The following GPC6 variants were observed in gnomAD, a reference collection of about 807,000 sequenced individuals.
GPC6 encodes the protein glypican-6.
Under a neutral mutation model 55.2 loss-of-function variants are expected in GPC6, and 14 were observed. That is an observed-to-expected ratio of 0.25 (90% CI 0.17 to 0.40). The LOEUF is 0.40. Ranked by LOEUF, GPC6 falls within the 10% of genes least tolerant of loss-of-function variation. The pLI is 1.00. For missense variants in GPC6, 641 were observed against 708.5 expected, an observed-to-expected ratio of 0.90 and a Z score of 1.08; for synonymous variants, 278 against 259.6, an observed-to-expected ratio of 1.07 and a Z score of -0.68.
intron 3 of GPC6, among the ~76,000 whole-genome samples, chr13:93,928,854 G>GTT (rs1566607891): frequency 1.5e-5 from 1 of 64,904 alleles, no homozygotes; most frequent in African/African-American, 6.3e-5. Flanking sequence ...ATCCCTGTGT[G>GTT]TTACACACAC....
At chr13:93,224,783 A>G (rs1309953611), upstream of GPC6, among the ~76,000 whole-genome samples, 5 of 152,186 alleles carry the variant, frequency 3.3e-5, no homozygotes, top group Non-Finnish European at 5.9e-5. Context: ...TTACTCAACA[A>G]ATGGACCAGG....
intron 7 of GPC6, among the ~76,000 whole-genome samples, chr13:94,398,066 C>A (rs145892134): frequency 6.6e-6 from 1 of 152,246 alleles, no homozygotes; most frequent in African/African-American, 2.4e-5. Context: ...ATTGTGAGGT[C>A]TCTCCAGCTA....
chr13:93,225,503 GTTTTGTTTTTT>G, upstream of GPC6, among the ~76,000 whole-genome samples: 2 of 11,394 alleles, frequency 1.8e-4, no homozygotes, highest in Non-Finnish European at 5.3e-3. Context: ...TTTTTGTTTT[GTTTTGTTTTTT>G]TTTTTTTTGG....
chr13:93,821,629 A>G (rs1200479749), intron 2 of GPC6, among the ~76,000 whole-genome samples: 10 of 152,192 alleles, frequency 6.6e-5, no homozygotes, highest in Non-Finnish European at 1.0e-4. Context: ...AACATCCTTT[A>G]TTAGAACTCC....
At chr13:94,263,994 C>A (rs769949606) in intron 4 of GPC6, among the ~76,000 whole-genome samples, 15 of 152,158 alleles carry the variant, frequency 9.9e-5, no homozygotes, top group Non-Finnish European at 2.2e-4. Context: ...GCTGCTGCTA[C>A]TATTGTCTCC....
At chr13:93,908,851 T>C (rs55741036) in intron 3 of GPC6, among the ~76,000 whole-genome samples, 59,118 of 151,962 alleles carry the variant, frequency 0.39, 11,834 homozygotes, top group East Asian at 0.52. Flanking sequence ...CTGAGACCAC[T>C]AGCTGGCTGA....
chr13:93,308,705 G>T (rs946787298), intron 1 of GPC6, among the ~76,000 whole-genome samples: 2 of 152,226 alleles, frequency 1.3e-5, no homozygotes, highest in Non-Finnish European at 2.9e-5. Context: ...GCCTCCCAAA[G>T]TGCTGGGATT....
chr13:93,780,904 C>A lies in GPC6; in HGVS notation c.320-49250C>A, dbSNP rs9589827. On this transcript the variant is annotated intron_variant, in intron 2 of 8. Coordinates refer to ENST00000377047, the MANE Select transcript of GPC6 (RefSeq NM_005708.5). ...GACTGAAAATTTATTTTTTTGATTACCTACATTGTGTAAAGTACTGTTATA... is the reference window on the plus strand; with the variant it reads ...GACTGAAAATTTATTTTTTTGATTAACTACATTGTGTAAAGTACTGTTATA... Among the ~76,000 whole-genome samples, 1,227 of 151,944 alleles carry A rather than the reference C, an allele frequency of 8.1e-3. 25 individuals carry two copies. Among genetic ancestry groups the A allele is most frequent in the African/African-American group, 0.029 (1,182 of 41,448 alleles).
At chr13:94,343,282 G>A (rs1478698688) in intron 6 of GPC6, among the ~76,000 whole-genome samples, 4 of 152,172 alleles carry the variant, frequency 2.6e-5, no homozygotes, top group African/African-American at 7.2e-5. Flanking sequence ...TTTGCCAGGA[G>A]AGCCTGCTGC....
At chr13:93,585,788 T>C (rs1425343711) in intron 2 of GPC6, among the ~76,000 whole-genome samples, 3 of 152,176 alleles carry the variant, frequency 2.0e-5, no homozygotes, top group African/African-American at 7.2e-5. Flanking sequence ...TGTCAGCCAA[T>C]GCACACTAGG....
chr13:93,523,006 G>T (rs1207736998), intron 1 of GPC6, among the ~76,000 whole-genome samples: 1 of 91,586 alleles, frequency 1.1e-5, no homozygotes, highest in Non-Finnish European at 2.5e-5. Context: ...AAAGAAAGAG[G>T]GAAAAAATAT....
intron 2 of GPC6, among the ~76,000 whole-genome samples, chr13:93,579,759 C>T (rs986048339): frequency 2.0e-5 from 3 of 151,958 alleles, no homozygotes; most frequent in Non-Finnish European, 2.9e-5. Context: ...ACTCATAAGA[C>T]GAGATATGTC....
At chr13:93,423,669 G>A (rs899070951) in intron 1 of GPC6, among the ~76,000 whole-genome samples, 1 of 152,060 alleles carries the variant, frequency 6.6e-6, no homozygotes, top group African/African-American at 2.4e-5. Context: ...TCTCTGCTCA[G>A]ATGATTCCAC....
chr13:94,300,225 A>G (rs974045034), intron 5 of GPC6, among the ~76,000 whole-genome samples: 1 of 152,186 alleles, frequency 6.6e-6, no homozygotes, highest in African/African-American at 2.4e-5. Context: ...ACCAGTAGTG[A>G]CTTTTTAAAT....
chr13:93,831,962 C>T lies in GPC6; in HGVS notation c.711+1417C>T, dbSNP rs570841800. ...AAAAATAGCCAGGCGTGGTGGTGGG[C>T]GCCTGTAGTCCCAGCTACTCTGGAG... On this transcript the variant is annotated intron_variant, in intron 3 of 8. Coordinates refer to ENST00000377047, the MANE Select transcript of GPC6 (RefSeq NM_005708.5). 1.5e-3 allele frequency among the ~76,000 whole-genome samples: 215 copies of T among 147,910 alleles called. 1 individual carries two copies. Among genetic ancestry groups the T allele is most frequent in the Middle Eastern group, 3.5e-3 (1 of 288 alleles).
chr13:94,203,326 A>G (rs1322375555), intron 4 of GPC6, among the ~76,000 whole-genome samples: 1 of 151,738 alleles, frequency 6.6e-6, no homozygotes, highest in African/African-American at 2.4e-5. Context: ...GAAAATAACC[A>G]TGAAAATTCC....
chr13:93,651,967 AC>A (rs1408049053), intron 2 of GPC6, among the ~76,000 whole-genome samples: 1 of 152,038 alleles, frequency 6.6e-6, no homozygotes, highest in Non-Finnish European at 1.5e-5. Flanking sequence ...AGGGCTGAGA[AC>A]CACTGGGCTA....
intron 1 of GPC6, among the ~76,000 whole-genome samples, chr13:93,237,185 C>G (rs1876266088): frequency 6.6e-6 from 1 of 152,122 alleles, no homozygotes; most frequent in Non-Finnish European, 1.5e-5. Context: ...ACGTTCCCAC[C>G]AACAGTATAT....
At chr13:93,783,195 A>C (rs943903948) in intron 2 of GPC6, among the ~76,000 whole-genome samples, 2 of 152,102 alleles carry the variant, frequency 1.3e-5, no homozygotes, top group African/African-American at 4.8e-5. Flanking sequence ...GTATACACAC[A>C]TTTTTATTTT....
Sources: allele counts gnomAD v4.1 joint callset (sites outside exome capture counted in the v4.1 genomes callset), GRCh38; gene constraint gnomAD v4.1.1; transcripts MANE v1.5; gene names NCBI Gene and HGNC (gene_info 2026-07-23, HGNC 2026-07-21).